Variants in AUTS2 observed in about 807,000 individuals in gnomAD.
AUTS2 encodes the protein autism susceptibility gene 2 protein.
In AUTS2, 17 loss-of-function variants were observed where a neutral mutation model predicts 112.4. The observed-to-expected ratio is 0.15, with a 90% confidence interval of 0.10 to 0.23. The LOEUF is 0.23. AUTS2 is among the 10% of genes least tolerant of loss of function. The pLI, the probability that AUTS2 is intolerant of heterozygous loss-of-function variation, is 1.00. For synonymous variants in AUTS2, 751 were observed against 702.7 expected, an observed-to-expected ratio of 1.07 and a Z score of -1.09; for missense variants, 1,510 against 1,701.6, an observed-to-expected ratio of 0.89 and a Z score of 1.98.
intron 2 of AUTS2, among the ~76,000 whole-genome samples, chr7:69,903,005 A>T (rs1289853837): frequency 1.3e-5 from 2 of 152,224 alleles, no homozygotes; most frequent in Non-Finnish European, 2.9e-5. Context: ...TACAACTCTT[A>T]TACAAAATAG....
intron 4 of AUTS2, among the ~76,000 whole-genome samples, chr7:70,409,769 C>G (rs960235835): frequency 1.3e-5 from 2 of 152,196 alleles, no homozygotes; most frequent in Admixed American, 1.3e-4. Context: ...AAAATAGTGA[C>G]TGGTGTGACT....
At chr7:69,821,064 G>A (rs1048698393) in intron 1 of AUTS2, among the ~76,000 whole-genome samples, 4 of 152,060 alleles carry the variant, frequency 2.6e-5, no homozygotes, top group Non-Finnish European at 5.9e-5. Context: ...AGTGAGAGAG[G>A]CACTCATGAA....
chr7:69,993,029 G>A (rs936379875), intron 2 of AUTS2, among the ~76,000 whole-genome samples: 1 of 152,194 alleles, frequency 6.6e-6, no homozygotes, highest in Non-Finnish European at 1.5e-5. Flanking sequence ...GAGAGCTTAG[G>A]GGTAAAAGGC....
intron 4 of AUTS2, among the ~76,000 whole-genome samples, chr7:70,374,091 C>G (rs1792973689): frequency 6.6e-6 from 1 of 151,946 alleles, no homozygotes; most frequent in Admixed American, 6.6e-5. Flanking sequence ...ATTTTTTGGT[C>G]AAATTTCAGT....
intron 2 of AUTS2, among the ~76,000 whole-genome samples, chr7:70,108,783 C>CAAAAAAAAAAAA (rs528009205): frequency 1.3e-4 from 9 of 69,182 alleles, no homozygotes; most frequent in East Asian, 5.1e-4. Context: ...GCCAACATGG[C>CAAAAAAAAAAAA]AAAAAAAAAA....
At chr7:70,450,807 T>A (rs973176911) in intron 5 of AUTS2, among the ~76,000 whole-genome samples, 1 of 151,246 alleles carries the variant, frequency 6.6e-6, no homozygotes, top group Non-Finnish European at 1.5e-5. Context: ...AAAGAAGGAG[T>A]CTGATTTTAG....
chr7:70,189,702 A>C (rs1809784542), intron 4 of AUTS2, among the ~76,000 whole-genome samples: 1 of 152,232 alleles, frequency 6.6e-6, no homozygotes, highest in Non-Finnish European at 1.5e-5. Flanking sequence ...ACAGTTGTTC[A>C]GTTTCTCTCT....
rs1380517453 is a variant in AUTS2, at chr7:70,512,113, C to G, written c.690+76332C>G. On this transcript the variant is annotated intron_variant, in intron 5 of 18. Coordinates refer to ENST00000342771, the MANE Select transcript of AUTS2 (RefSeq NM_015570.4). ...TGTCTGTGACCTTTTCCTGTTTCAG[C>G]TGTGAATATGGGTCCCCACGTTGAT... Among the ~76,000 whole-genome samples, 7 of 152,298 alleles carry G rather than the reference C, an allele frequency of 4.6e-5. 1 individual carries two copies. Among genetic ancestry groups the G allele is most frequent in the Middle Eastern group, 6.8e-3 (2 of 294 alleles).
chr7:70,297,109 C>T (rs1788978769), intron 4 of AUTS2, among the ~76,000 whole-genome samples: 1 of 151,646 alleles, frequency 6.6e-6, no homozygotes, highest in Non-Finnish European at 1.5e-5. Flanking sequence ...CTTGACCTCC[C>T]AAACTTCTGG....
chr7:69,671,168 T>C (rs1796303273), intron 1 of AUTS2, among the ~76,000 whole-genome samples: 1 of 152,220 alleles, frequency 6.6e-6, no homozygotes. Flanking sequence ...TTGATTTGCT[T>C]GTGCTTCTAC....
intron 4 of AUTS2, among the ~76,000 whole-genome samples, chr7:70,318,329 AGAG>A (rs1350340578): frequency 6.6e-6 from 1 of 152,096 alleles, no homozygotes; most frequent in African/African-American, 2.4e-5. Flanking sequence ...GACGTGGGCT[AGAG>A]GAGGAGGAGA....
intron 1 of AUTS2, among the ~76,000 whole-genome samples, chr7:69,811,707 A>G (rs1170862431): frequency 6.6e-6 from 1 of 152,094 alleles, no homozygotes; most frequent in Admixed American, 6.5e-5. Context: ...CTTTTCCGCA[A>G]ACCACCCCTC....
chr7:69,748,901 A>G (rs1242506001), intron 1 of AUTS2, among the ~76,000 whole-genome samples: 1 of 152,210 alleles, frequency 6.6e-6, no homozygotes, highest in Non-Finnish European at 1.5e-5. Flanking sequence ...ATTTGGGAAA[A>G]TAAATCACTG....
In AUTS2 at chr7:70,785,003, C is replaced by T. The variant is rs776780751; in HGVS notation, c.2208C>T (p.Asn736=). 1 of 1,614,210 alleles carries T rather than the reference C, an allele frequency of 6.2e-7. No homozygotes were observed. The highest frequency in any genetic ancestry group is 8.5e-7 in the Non-Finnish European group (1 of 1,180,034). The change falls in exon 16 of 19, where the codon AAC becomes AAT. Residue 736 remains asparagine, a synonymous_variant. Coordinates refer to ENST00000342771, the MANE Select transcript of AUTS2 (RefSeq NM_015570.4). ...CTCCTCATCACAGCAACTTCCTCAA[C>T]CCTGCTGCCCACCTAGGTGAGTCGC... The part of the protein sequence containing the change: ...GPPPHHSNFL[N]PAAHLEPFNR...
At chr7:70,082,123 T>C (rs927654094) in intron 2 of AUTS2, among the ~76,000 whole-genome samples, 1 of 152,172 alleles carries the variant, frequency 6.6e-6, no homozygotes, top group Non-Finnish European at 1.5e-5. Flanking sequence ...TCCCTACCTC[T>C]AAGATCCATT....
At chr7:70,494,142 T>C (rs986829340) in intron 5 of AUTS2, among the ~76,000 whole-genome samples, 3 of 152,226 alleles carry the variant, frequency 2.0e-5, no homozygotes, top group Non-Finnish European at 4.4e-5. Flanking sequence ...AGCTGATCTT[T>C]GTGACCAACA....
At chr7:70,789,052 C>T (rs1198205134) in intron 18 of AUTS2, among the ~76,000 whole-genome samples, 2 of 152,226 alleles carry the variant, frequency 1.3e-5, no homozygotes, top group African/African-American at 4.8e-5. Context: ...TAGGGACCTG[C>T]TTTTCCTACT....
At chr7:70,237,061 T>C (rs12533220) in intron 4 of AUTS2, among the ~76,000 whole-genome samples, 15,145 of 152,242 alleles carry the variant, frequency 0.099, 1,041 homozygotes, top group Non-Finnish European at 0.15. Flanking sequence ...CCCTTTGTTA[T>C]TTAGATACAA....
intron 5 of AUTS2, among the ~76,000 whole-genome samples, chr7:70,478,644 C>A (rs1277117810): frequency 6.6e-6 from 1 of 152,114 alleles, no homozygotes; most frequent in Non-Finnish European, 1.5e-5. Context: ...TCGTTCAAGA[C>A]CATAACTTCT....
Sources: allele counts gnomAD v4.1 joint callset (sites outside exome capture counted in the v4.1 genomes callset), GRCh38; gene constraint gnomAD v4.1.1; transcripts MANE v1.5; gene names NCBI Gene and HGNC (gene_info 2026-07-23, HGNC 2026-07-21).